Variants in COMMD10 observed in about 807,000 individuals in gnomAD.
COMMD10 encodes COMM domain containing 10, also known as COMM domain-containing protein 10.
Under a neutral mutation model 28.9 loss-of-function variants are expected in COMMD10, and 33 were observed. That is an observed-to-expected ratio of 1.14 (90% CI 0.87 to 1.53). The LOEUF (loss-of-function observed/expected upper bound fraction) is 1.53. COMMD10 is among the 40% of genes most tolerant of loss of function. COMMD10 has a pLI of 0.00. For synonymous variants in COMMD10, 110 were observed against 81.7 expected, an observed-to-expected ratio of 1.35 and a Z score of -1.87; for missense variants, 310 against 233.4, an observed-to-expected ratio of 1.33 and a Z score of -2.14.
intron 5 of COMMD10, among the ~76,000 whole-genome samples, chr5:116,278,631 C>T (rs571944565): frequency 4.0e-5 from 6 of 151,782 alleles, no homozygotes; most frequent in African/African-American, 9.7e-5. Context: ...ATATTTCATG[C>T]GCTCTCTTAT....
chr5:116,116,702 G>GA (rs1580457640), intron 4 of COMMD10, among the ~76,000 whole-genome samples: 1 of 133,096 alleles, frequency 7.5e-6, no homozygotes, highest in East Asian at 2.2e-4. Flanking sequence ...AAAATGCAGA[G>GA]ATTTTTTTTT....
chr5:116,253,740 A>T (rs2112676837), intron 5 of COMMD10, among the ~76,000 whole-genome samples: 1 of 148,834 alleles, frequency 6.7e-6, no homozygotes, highest in South Asian at 2.1e-4. Context: ...TTCATCAAGG[A>T]TATTGGTCTA....
chr5:116,261,441 T>C (rs1280078660), intron 5 of COMMD10, among the ~76,000 whole-genome samples: 1 of 151,744 alleles, frequency 6.6e-6, no homozygotes, highest in Non-Finnish European at 1.5e-5. Flanking sequence ...TTGGTAAGGC[T>C]AGGAGTAATG....
At chr5:116,250,610 GACTT>G (rs1750084909) in intron 5 of COMMD10, among the ~76,000 whole-genome samples, 1 of 151,852 alleles carries the variant, frequency 6.6e-6, no homozygotes, top group Non-Finnish European at 1.5e-5. Context: ...AAATCAGAGA[GACTT>G]ACTAGCACTT....
intron 5 of COMMD10, among the ~76,000 whole-genome samples, chr5:116,192,689 A>C (rs942049349): frequency 5.9e-5 from 9 of 152,250 alleles, no homozygotes; most frequent in African/African-American, 2.2e-4. Context: ...AAACCTAAGA[A>C]TAATCAGTAT....
At chr5:116,102,707 T>G (rs1166728791) in intron 4 of COMMD10, among the ~76,000 whole-genome samples, 3 of 152,204 alleles carry the variant, frequency 2.0e-5, no homozygotes, top group East Asian at 3.8e-4. Context: ...GGGGTACATG[T>G]GCAGAATGTG....
chr5:116,153,560 A>C (rs1413243053), intron 5 of COMMD10, among the ~76,000 whole-genome samples: 1 of 152,102 alleles, frequency 6.6e-6, no homozygotes, highest in Admixed American at 6.6e-5. Context: ...TGACCAATTA[A>C]TATGTGCCAG....
rs4921073 is a variant in COMMD10, at chr5:116,176,428, G to T, written c.510+42250G>T. ...CGTGCTCAGCCTGGACTTATTCACTGTTCTGCTTTAGGCTTTTACAAATAG... is the reference window on the plus strand; with the variant it reads ...CGTGCTCAGCCTGGACTTATTCACTTTTCTGCTTTAGGCTTTTACAAATAG... On this transcript the variant is annotated intron_variant, in intron 5 of 6. Transcript: ENST00000274458. 4.6e-3 allele frequency among the ~76,000 whole-genome samples: 695 copies of T among 152,218 alleles called. 4 individuals carry two copies. The highest frequency in any genetic ancestry group is 0.016 in the African/African-American group (652 of 41,522).
intron 5 of COMMD10, among the ~76,000 whole-genome samples, chr5:116,247,491 A>G (rs1749984542): frequency 1.3e-5 from 2 of 152,060 alleles, no homozygotes; most frequent in South Asian, 4.1e-4. Flanking sequence ...GAATATATTA[A>G]TAAACCATTT....
chr5:116,251,928 T>C (rs892147245), intron 5 of COMMD10, among the ~76,000 whole-genome samples: 16 of 150,038 alleles, frequency 1.1e-4, no homozygotes, highest in African/African-American at 3.8e-4. Flanking sequence ...AAAGTGTTCC[T>C]ATTTCTCCAC....
At chr5:116,156,555 G>A (rs1041877430) in intron 5 of COMMD10, among the ~76,000 whole-genome samples, 6 of 151,968 alleles carry the variant, frequency 3.9e-5, no homozygotes, top group Admixed American at 6.6e-5. Context: ...CAACATTTTC[G>A]TTCTACTTCA....
chr5:116,217,897 G>T (rs1296459848), intron 5 of COMMD10: 3 of 623,376 alleles, frequency 4.8e-6, no homozygotes, highest in Non-Finnish European at 8.6e-6. Flanking sequence ...AGTGTTCTGT[G>T]TGCTAACAGC....
At chr5:116,145,452 A>C (rs1351611627) in intron 5 of COMMD10, among the ~76,000 whole-genome samples, 1 of 150,924 alleles carries the variant, frequency 6.6e-6, no homozygotes, top group African/African-American at 2.5e-5. Flanking sequence ...GTCTGTGTCT[A>C]TGAAAGAGTA....
chr5:116,292,406 G>A (rs371266040), intron 6 of COMMD10, 45 bp from the exon 7 acceptor site: 17 of 1,385,074 alleles, frequency 1.2e-5, no homozygotes, highest in South Asian at 6.0e-5. Flanking sequence ...TATGAGTTTC[G>A]TTCCCTTCAC....
At chr5:116,248,796 A>C (rs1235491895) in intron 5 of COMMD10, among the ~76,000 whole-genome samples, 1 of 151,978 alleles carries the variant, frequency 6.6e-6, no homozygotes, top group Admixed American at 6.6e-5. Context: ...GTATGTTGCT[A>C]TCTCTTGGAT....
At chr5:116,248,737 A>C (rs1580581433) in intron 5 of COMMD10, among the ~76,000 whole-genome samples, 1 of 152,078 alleles carries the variant, frequency 6.6e-6, no homozygotes, top group South Asian at 2.1e-4. Context: ...TACCAACTTT[A>C]AAAACAACAC....
At chr5:116,180,209 T>C (rs756388793) in intron 5 of COMMD10, among the ~76,000 whole-genome samples, 3 of 152,266 alleles carry the variant, frequency 2.0e-5, no homozygotes, top group South Asian at 2.1e-4. Context: ...TTCAGTTATA[T>C]GTATAAAACA....
In COMMD10 at chr5:116,278,631, C is replaced by A. The variant is rs571944565; in HGVS notation, c.511-12886C>A. ...AAACATTTCATGAAAATATTTCATGCGCTCTCTTATACGATTTTTATACTG... is the reference window on the plus strand; with the variant it reads ...AAACATTTCATGAAAATATTTCATGAGCTCTCTTATACGATTTTTATACTG... On this transcript the variant is annotated intron_variant, in intron 5 of 6. Transcript: ENST00000274458. Among the ~76,000 whole-genome samples the A allele has an allele frequency of 1.6e-4, 24 of 151,900 alleles. 1 individual carries two copies. The East Asian group carries it at 2.1e-3, about 13-fold the overall frequency.
chr5:116,289,536 G>A (rs756480464), intron 5 of COMMD10, among the ~76,000 whole-genome samples: 15 of 151,792 alleles, frequency 9.9e-5, no homozygotes, highest in Admixed American at 5.2e-4. Flanking sequence ...CCTTCCAAAC[G>A]CTGGTGCTGG....
Sources: gnomAD v4.1 joint callset for allele counts (sites outside exome capture counted in the v4.1 genomes callset) on GRCh38, gnomAD v4.1.1 for gene constraint, MANE v1.5 for transcripts, NCBI Gene and HGNC (gene_info 2026-07-23, HGNC 2026-07-21) for gene names.